Variants in MAGI1 observed in about 807,000 individuals in gnomAD.
The protein encoded by MAGI1 is membrane-associated guanylate kinase, WW and PDZ domain-containing protein 1.
In MAGI1, 58 loss-of-function variants were observed where a neutral mutation model predicts 139.9. The ratio of observed to expected loss-of-function variants is 0.41; its 90% CI spans 0.34 to 0.52. MAGI1 has a LOEUF of 0.52. Ranked by LOEUF, MAGI1 falls within the 20% of genes least tolerant of loss-of-function variation. MAGI1 has a pLI of 0.12. For missense variants in MAGI1, 1,874 were observed against 1,901.6 expected, an observed-to-expected ratio of 0.99 and a Z score of 0.27; for synonymous variants, 812 against 737.9, an observed-to-expected ratio of 1.10 and a Z score of -1.63.
At chr3:65,789,688 A>T (rs2039627580) in intron 1 of MAGI1, among the ~76,000 whole-genome samples, 1 of 152,208 alleles carries the variant, frequency 6.6e-6, no homozygotes, top group African/African-American at 2.4e-5. Context: ...AAAGTGGCTG[A>T]TTTAGCCGGG....
chr3:65,947,143 C>T (rs1040779033), intron 1 of MAGI1, among the ~76,000 whole-genome samples: 2 of 152,112 alleles, frequency 1.3e-5, no homozygotes, highest in Admixed American at 6.5e-5. Context: ...AAATAACTCC[C>T]GAGCTTGTGT....
chr3:65,721,791 G>A (rs535263680), intron 1 of MAGI1, among the ~76,000 whole-genome samples: 6 of 151,026 alleles, frequency 4.0e-5, no homozygotes, highest in Non-Finnish European at 5.9e-5. Context: ...GCCTCAGTTG[G>A]TTTCCTTAAA....
At chr3:65,911,596 TA>T (rs2061672757) in intron 1 of MAGI1, among the ~76,000 whole-genome samples, 1 of 152,196 alleles carries the variant, frequency 6.6e-6, no homozygotes, top group African/African-American at 2.4e-5. Context: ...AAGTCATTCT[TA>T]AACCTTGGGA....
chr3:65,531,932 T>C (rs2078732668), intron 2 of MAGI1, among the ~76,000 whole-genome samples: 1 of 152,190 alleles, frequency 6.6e-6, no homozygotes, highest in South Asian at 2.1e-4. Flanking sequence ...ATCACTATTA[T>C]TATTTTCCCT....
Position 65,793,262 on chromosome 3 carries a change from C to G in MAGI1, c.314-171174G>C, listed in dbSNP as rs907891671. On this transcript the variant is annotated intron_variant, in intron 1 of 22. Coordinates refer to ENST00000402939, the MANE Select transcript of MAGI1 (RefSeq NM_001033057.2). ...CAGTTTAGCCAGGATAGATGGAATA[C>G]AGAATGAATCTATCTGTGACAACTT... 2.6e-5 allele frequency among the ~76,000 whole-genome samples: 4 copies of G among 152,286 alleles called. No homozygotes were observed. The East Asian group carries it at 7.7e-4, about 29-fold the overall frequency.
chr3:65,980,796 G>A (rs1175354779), intron 1 of MAGI1, among the ~76,000 whole-genome samples: 4 of 152,084 alleles, frequency 2.6e-5, no homozygotes, highest in Non-Finnish European at 4.4e-5. Context: ...AGCTTACCCC[G>A]TCCAATGTTT....
At chr3:65,735,744 A>G in intron 1 of MAGI1, among the ~76,000 whole-genome samples, 1 of 152,174 alleles carries the variant, frequency 6.6e-6, no homozygotes, top group Non-Finnish European at 1.5e-5. Flanking sequence ...ACAGTTAAAG[A>G]TTCTCCCTCT....
At chr3:65,992,071 A>G (rs2066210684) in intron 1 of MAGI1, among the ~76,000 whole-genome samples, 1 of 152,180 alleles carries the variant, frequency 6.6e-6, no homozygotes, top group Non-Finnish European at 1.5e-5. Context: ...AGAAACAAGC[A>G]TGCAAGATGA....
chr3:65,562,487 T>C (rs749512250), intron 2 of MAGI1, among the ~76,000 whole-genome samples: 3 of 152,184 alleles, frequency 2.0e-5, no homozygotes, highest in Non-Finnish European at 4.4e-5. Context: ...CTTTGTTGTG[T>C]TTTTTGTTTT....
At chr3:65,359,673 T>C in intron 22 of MAGI1, 14 of 988,084 alleles carry the variant, frequency 1.4e-5, no homozygotes, top group Non-Finnish European at 1.6e-5. Flanking sequence ...TAGAGAGATT[T>C]AGTCCAAGTG....
chr3:65,702,473 A>AAT (rs143465051), intron 1 of MAGI1, among the ~76,000 whole-genome samples: 17,378 of 152,140 alleles, frequency 0.11, 1,077 homozygotes, highest in African/African-American at 0.14. Flanking sequence ...TCAATTTTAC[A>AAT]ATATATATGC....
At chr3:65,510,202 G>GA (rs1425273828) in intron 2 of MAGI1, among the ~76,000 whole-genome samples, 1 of 152,156 alleles carries the variant, frequency 6.6e-6, no homozygotes, top group Admixed American at 6.5e-5. Flanking sequence ...CAAAGATGGG[G>GA]AAAAAACAGA....
At chr3:65,688,523 T>C (rs1443892068) in intron 1 of MAGI1, 6 of 429,526 alleles carry the variant, frequency 1.4e-5, no homozygotes, top group Non-Finnish European at 2.3e-5. Flanking sequence ...TTAAGGTAGG[T>C]GCTACTGGTA....
At chr3:66,026,574 A>T (rs536249991) in intron 1 of MAGI1, among the ~76,000 whole-genome samples, 1 of 151,636 alleles carries the variant, frequency 6.6e-6, no homozygotes, top group East Asian at 1.9e-4. Flanking sequence ...TGTTGCCTTC[A>T]AGAAACACAT....
At chr3:65,515,007 T>C (rs1329454027) in intron 2 of MAGI1, among the ~76,000 whole-genome samples, 1 of 146,534 alleles carries the variant, frequency 6.8e-6, no homozygotes, top group Admixed American at 6.9e-5. Flanking sequence ...GTGTCCTTTA[T>C]AGGGACATGG....
chr3:65,826,525 C>T (rs971956524), intron 1 of MAGI1, among the ~76,000 whole-genome samples: 2 of 152,144 alleles, frequency 1.3e-5, no homozygotes, highest in African/African-American at 2.4e-5. Context: ...ACTTTGAAAA[C>T]AAAACATATA....
At chr3:65,758,675 G>T (rs550559256) in intron 1 of MAGI1, among the ~76,000 whole-genome samples, 227 of 152,222 alleles carry the variant, frequency 1.5e-3, no homozygotes, top group African/African-American at 5.2e-3. Flanking sequence ...AGAGACCAGG[G>T]ATACTGCTAA....
intron 1 of MAGI1, among the ~76,000 whole-genome samples, chr3:65,653,112 TG>T (rs2085677779): frequency 6.6e-6 from 1 of 152,166 alleles, no homozygotes; most frequent in African/African-American, 2.4e-5. Flanking sequence ...AGCGGAAATA[TG>T]CATTAATATC....
At chr3:65,498,134 G>A (rs1952581429) in intron 2 of MAGI1, among the ~76,000 whole-genome samples, 3 of 152,056 alleles carry the variant, frequency 2.0e-5, no homozygotes, top group Admixed American at 1.3e-4. Flanking sequence ...CCTGGCAGAT[G>A]GCATTTCAAA....
Sources: gnomAD v4.1 joint callset for allele counts (sites outside exome capture counted in the v4.1 genomes callset) on GRCh38, gnomAD v4.1.1 for gene constraint, MANE v1.5 for transcripts, NCBI Gene and HGNC (gene_info 2026-07-23, HGNC 2026-07-21) for gene names.